Variants in LRP6 observed in about 807,000 individuals in gnomAD.
LRP6 encodes LDL receptor related protein 6, also known as low-density lipoprotein receptor-related protein 6.
LRP6 carries 43 observed loss-of-function variants against 184.1 expected under a neutral mutation model. The observed-to-expected ratio is 0.23, with a 90% CI of 0.18 to 0.30. The LOEUF (loss-of-function observed/expected upper bound fraction) is 0.30, where lower values mean the gene tolerates loss of function less well. Ranked by LOEUF, LRP6 falls within the 10% of genes least tolerant of loss-of-function variation. LRP6 has a pLI of 1.00. For synonymous variants in LRP6, 719 were observed against 684.9 expected (o/e 1.05, Z -0.78); for missense variants, 1,571 against 2,005.3 (o/e 0.78, Z 4.14).
intron 2 of LRP6, among the ~76,000 whole-genome samples, chr12:12,208,997 A>T (rs1426286071): frequency 6.6e-6 from 1 of 152,200 alleles, no homozygotes; most frequent in East Asian, 1.9e-4. Flanking sequence ...ATAAAATGAA[A>T]ACTACCAGTA....
chr12:12,261,686 A>T (rs1363869652), intron 1 of LRP6, among the ~76,000 whole-genome samples: 7 of 152,192 alleles, frequency 4.6e-5, no homozygotes, highest in African/African-American at 1.7e-4. Context: ...TGTTAACATG[A>T]ATTCTAATCT....
At position 12,181,376 on chromosome 12, in the gene LRP6, G is replaced by A. The variant is rs762176338; in HGVS notation, c.1040C>T (p.Pro347Leu). 1.5e-5 allele frequency: 24 copies of A among 1,589,132 alleles called. No individual in the cohort carries two copies. In the South Asian group the frequency reaches 2.4e-4, roughly 16 times the overall value. Reference sequence around the variant, plus strand: ...CTGCAGAACAATGTCTGTAAAATCTGGTGTATCCAAAGAAATGCGTCTCAA... The same window carrying A: ...CTGCAGAACAATGTCTGTAAAATCTAGTGTATCCAAAGAAATGCGTCTCAA... Reference protein sequence around the residue: ...TDLRRISLDTPDFTDIVLQLE... With the variant: ...TDLRRISLDTLDFTDIVLQLE... The change falls in exon 6 of 23, where the codon CCA becomes CTA. Residue 347 changes from proline (P) to leucine (L), a missense_variant. Physicochemically the swap from Pro to Leu is moderately conservative, Grantham distance 98. Around this residue, in one of 4 missense-constraint regions of LRP6, gnomAD observed 640 missense variants for 851.9 expected, o/e 0.75. Transcript: ENST00000261349.
chr12:12,248,471 CTTTTTTTTTTTT>C (rs71061030), intron 1 of LRP6, among the ~76,000 whole-genome samples: 5 of 62,792 alleles, frequency 8.0e-5, no homozygotes, highest in Middle Eastern at 0.026. Context: ...AGTCTTTACT[CTTTTTTTTTTTT>C]TTTTTTTTTT....
At chr12:12,155,014 G>A (rs1950131208) in intron 12 of LRP6, among the ~76,000 whole-genome samples, 1 of 152,122 alleles carries the variant, frequency 6.6e-6, no homozygotes, top group Non-Finnish European at 1.5e-5. Context: ...TGGCCAACAT[G>A]GTGAAATCCC....
intron 12 of LRP6, among the ~76,000 whole-genome samples, 169 bp downstream of exon 12, chr12:12,158,660 T>C (rs1056598512): frequency 7.2e-5 from 11 of 152,114 alleles, no homozygotes; most frequent in African/African-American, 2.2e-4. Context: ...ATTGCTATCA[T>C]CAAACAAGTA....
At chr12:12,162,724 G>T (rs1229326893) in intron 9 of LRP6, among the ~76,000 whole-genome samples, 1 of 152,152 alleles carries the variant, frequency 6.6e-6, no homozygotes, top group Non-Finnish European at 1.5e-5. Flanking sequence ...AAGTGGAAAA[G>T]CTGTGACCAC....
chr12:12,122,949 T>G (rs1280008672), intron 22 of LRP6, among the ~76,000 whole-genome samples: 1 of 152,200 alleles, frequency 6.6e-6, no homozygotes, highest in Non-Finnish European at 1.5e-5. Context: ...ATGTCACAGT[T>G]TGTTTTGTTT....
intron 1 of LRP6, among the ~76,000 whole-genome samples, chr12:12,250,949 G>A (rs748803179): frequency 2.7e-5 from 4 of 150,874 alleles, no homozygotes; most frequent in African/African-American, 9.8e-5. Context: ...TTCGTTTTTC[G>A]AGATGGGGTT....
intron 3 of LRP6, among the ~76,000 whole-genome samples, chr12:12,199,964 CAAAAAAAAAAAAAAAAAAA>C (rs146224493): frequency 0.016 from 737 of 45,260 alleles, 24 homozygotes; most frequent in African/African-American, 0.066. Context: ...GACTCCATCT[CAAAAAAAAAAAAAAAAAAA>C]AAAAAAAAAA....
chr12:12,238,333 G>C (rs1864976560), intron 2 of LRP6, among the ~76,000 whole-genome samples: 1 of 151,162 alleles, frequency 6.6e-6, no homozygotes. Flanking sequence ...TCAAACAAGA[G>C]TTCCAAAGGA....
Position 12,121,071 on chromosome 12 carries a change from C to T in LRP6, c.*55G>A, listed in dbSNP as rs1234823620. On this transcript the variant is annotated 3_prime_UTR_variant, in exon 23 of 23. Transcript: ENST00000261349. ...TCCCTCCCCCCCTCCAGATCTCAAC[C>T]AAATTTATATTTACATTTTTACGTT... 1 of 1,497,180 alleles carries T rather than the reference C, an allele frequency of 6.7e-7. No individual in the cohort carries two copies. The highest frequency in any genetic ancestry group is 9.0e-7 in the Non-Finnish European group (1 of 1,117,192). The allele number at this position is 1,497,180 out of a possible 1,614,324, so 92.7% of individuals were successfully genotyped here.
intron 7 of LRP6, among the ~76,000 whole-genome samples, chr12:12,175,386 C>T (rs1679479179): frequency 6.6e-6 from 1 of 150,844 alleles, no homozygotes; most frequent in Non-Finnish European, 1.5e-5. Context: ...GAGACCCTGT[C>T]TCAAAAAATA....
rs557191525 is a variant in LRP6 at position 12,187,217 on chromosome 12, CACAT to C, written c.648-102_648-99del. The C allele has an allele frequency of 2.3e-4, 228 of 983,206 alleles. No individual in the cohort carries two copies. In the African/African-American group the frequency reaches 3.4e-3, roughly 14 times the overall value. The allele number at this position is 983,206 out of a possible 1,614,324, so 60.9% of individuals were successfully genotyped here. A position where few individuals can be genotyped will look rare whatever the true frequency, so the allele number is the denominator to read the frequency against. On this transcript the variant is annotated intron_variant, in intron 3 of 22. Transcript: ENST00000261349. ...TTAAAATGATCTTAGTTCACATTAA[CACAT>C]ACAAATCTTGAGTAATACATACCAA...
Position 12,242,867 on chromosome 12 carries a change from C to T in LRP6, c.449+1395G>A, listed in dbSNP as rs894718126. On this transcript the variant is annotated intron_variant, in intron 2 of 22. Transcript: ENST00000261349. The stretch of plus-strand genomic sequence containing the variant: ...AATCAGTCTTCTCATTTTTCTACAA[C>T]ATGGCATCCTGTTCAACCTCTGTAA... 3.3e-5 allele frequency among the ~76,000 whole-genome samples: 5 copies of T among 151,166 alleles called. No individual in the cohort carries two copies. The East Asian group carries it at 9.6e-4, about 29-fold the overall frequency.
At chr12:12,157,119 C>A (rs2136933494) in intron 12 of LRP6, among the ~76,000 whole-genome samples, 1 of 152,250 alleles carries the variant, frequency 6.6e-6, no homozygotes, top group East Asian at 1.9e-4. Context: ...CTTTAGGTAA[C>A]CTCATTCATT....
intron 2 of LRP6, among the ~76,000 whole-genome samples, chr12:12,217,777 C>A (rs1565664423): frequency 6.6e-6 from 1 of 152,104 alleles, no homozygotes; most frequent in Non-Finnish European, 1.5e-5. Flanking sequence ...GAAGACAGTT[C>A]AGTGGGGAAA....
At chr12:12,183,891 T>C in intron 5 of LRP6, 89 bp downstream of exon 5, 1 of 1,219,688 alleles carries the variant, frequency 8.2e-7, no homozygotes, top group East Asian at 2.4e-5. Context: ...CCCAAAGCAG[T>C]ATAACCTAGA....
intron 12 of LRP6, among the ~76,000 whole-genome samples, chr12:12,152,970 T>G (rs1950102292): frequency 6.6e-6 from 1 of 152,186 alleles, no homozygotes; most frequent in South Asian, 2.1e-4. Context: ...CTTGGAAGAT[T>G]TAGAAAGTTA....
chr12:12,126,647 G>T, intron 20 of LRP6, 44 bp downstream of exon 20: 1 of 1,463,988 alleles, frequency 6.8e-7, no homozygotes, highest in Non-Finnish European at 9.6e-7. Context: ...TGGCAGTCTT[G>T]CAGGACCAAA....
Sources: allele counts gnomAD v4.1 joint callset (sites outside exome capture counted in the v4.1 genomes callset), GRCh38; gene constraint gnomAD v4.1.1; regional missense constraint gnomAD v4.1.1; transcripts MANE v1.5; gene names NCBI Gene and HGNC (gene_info 2026-07-23, HGNC 2026-07-21).